Variants in MGAT4C observed in about 807,000 individuals in gnomAD.
The protein encoded by MGAT4C is alpha-1,3-mannosyl-glycoprotein 4-beta-N-acetylglucosaminyltransferase C.
Under a neutral mutation model 40.1 loss-of-function variants are expected in MGAT4C, and 19 were observed. The ratio of observed to expected loss-of-function variants is 0.47; its 90% CI spans 0.33 to 0.70. The LOEUF is 0.70. MGAT4C is among the 30% of genes least tolerant of loss of function. The pLI is 0.02. For synonymous variants in MGAT4C, 181 were observed against 187.1 expected, an observed-to-expected ratio of 0.97 and a Z score of 0.27; for missense variants, 491 against 563.2, an observed-to-expected ratio of 0.87 and a Z score of 1.30.
chr12:86,446,605 T>A (rs546217549), intron 2 of MGAT4C, among the ~76,000 whole-genome samples: 4 of 144,756 alleles, frequency 2.8e-5, no homozygotes, highest in African/African-American at 1.0e-4. Context: ...CATTGTGTAC[T>A]GTTCATATAC....
intron 1 of MGAT4C, among the ~76,000 whole-genome samples, chr12:86,834,233 G>C (rs1411147180): frequency 6.6e-6 from 1 of 151,638 alleles, no homozygotes; most frequent in East Asian, 1.9e-4. Context: ...TCTATAGATA[G>C]GTAGATAGAT....
intron 1 of MGAT4C, among the ~76,000 whole-genome samples, chr12:86,819,931 C>A (rs926010215): frequency 1.3e-5 from 2 of 150,594 alleles, no homozygotes; most frequent in Non-Finnish European, 1.5e-5. Flanking sequence ...AGAAGAAATT[C>A]TTCAAAAAGT....
chr12:86,612,685 AGAG>A (rs1230551434), intron 2 of MGAT4C, among the ~76,000 whole-genome samples: 1 of 146,902 alleles, frequency 6.8e-6, no homozygotes, highest in African/African-American at 2.5e-5. Context: ...GGCTGCAGTG[AGAG>A]GAGATCATGC....
At chr12:86,294,291 T>C (rs1953605282) in intron 4 of MGAT4C, among the ~76,000 whole-genome samples, 1 of 152,114 alleles carries the variant, frequency 6.6e-6, no homozygotes, top group Non-Finnish European at 1.5e-5. Flanking sequence ...AATTCTTTCA[T>C]GTCTTTATCT....
intron 3 of MGAT4C, among the ~76,000 whole-genome samples, chr12:86,351,343 T>C (rs925210576): frequency 6.6e-6 from 1 of 152,044 alleles, no homozygotes; most frequent in Non-Finnish European, 1.5e-5. Flanking sequence ...AGTAGAGATA[T>C]ACATATATTT....
Position 86,152,626 on chromosome 12 carries a change from T to A in MGAT4C, c.-56-102903A>T, listed in dbSNP as rs190933667. On this transcript the variant is annotated intron_variant, in intron 1 of 4. Coordinates refer to ENST00000611864, the MANE Select transcript of MGAT4C (RefSeq NM_001351288.2). ...TGGATTTCTCTTTTCCCATCGTATA[T>A]CACACAGGGCTACTCTATTCATAGA... is the stretch of plus-strand genomic sequence containing the variant. 4.2e-4 allele frequency among the ~76,000 whole-genome samples: 64 copies of A among 152,294 alleles called. 1 individual carries two copies. The East Asian group carries it at 0.011, about 27-fold the overall frequency.
At chr12:86,105,040 A>T (rs1473769983) in intron 1 of MGAT4C, among the ~76,000 whole-genome samples, 2 of 152,180 alleles carry the variant, frequency 1.3e-5, no homozygotes, top group Non-Finnish European at 2.9e-5. Flanking sequence ...ATCTTATTTA[A>T]ATTTACATTC....
At chr12:86,378,023 T>C (rs1481448148) in intron 3 of MGAT4C, among the ~76,000 whole-genome samples, 1 of 152,190 alleles carries the variant, frequency 6.6e-6, no homozygotes, top group East Asian at 1.9e-4. Context: ...AACCATGTGG[T>C]ATTATGTGTC....
chr12:86,258,117 A>T (rs1490997253), upstream of MGAT4C, among the ~76,000 whole-genome samples: 3 of 152,162 alleles, frequency 2.0e-5, no homozygotes, highest in African/African-American at 7.2e-5. Context: ...TGCCCTCAAA[A>T]TAATGATATA....
chr12:86,073,012 G>A (rs568928777), intron 1 of MGAT4C, among the ~76,000 whole-genome samples: 5 of 152,170 alleles, frequency 3.3e-5, no homozygotes, highest in African/African-American at 1.2e-4. Context: ...ATATGCTTTG[G>A]CTGTGCCCTC....
intron 2 of MGAT4C, among the ~76,000 whole-genome samples, chr12:86,038,798 C>T (rs979006662): frequency 6.0e-5 from 9 of 149,578 alleles, no homozygotes; most frequent in African/African-American, 2.4e-5. Flanking sequence ...GTATTTTGCC[C>T]GTTAGTTGAT....
At chr12:86,769,876 G>C (rs750116002) in intron 1 of MGAT4C, among the ~76,000 whole-genome samples, 5 of 152,010 alleles carry the variant, frequency 3.3e-5, no homozygotes, top group Admixed American at 1.3e-4. Context: ...GGTGTGGAGT[G>C]GGGGAGGGAT....
At chr12:86,506,751 TCC>T (rs1958478821) in intron 2 of MGAT4C, among the ~76,000 whole-genome samples, 1 of 152,162 alleles carries the variant, frequency 6.6e-6, no homozygotes, top group South Asian at 2.1e-4. Context: ...ATCATCAAAA[TCC>T]AGAGTCCTTT....
chr12:85,988,405 T>G (rs1331649778), intron 3 of MGAT4C, among the ~76,000 whole-genome samples: 1 of 152,124 alleles, frequency 6.6e-6, no homozygotes, highest in East Asian at 1.9e-4. Context: ...ATAAATAATC[T>G]AAAGCATTTT....
intron 1 of MGAT4C, among the ~76,000 whole-genome samples, chr12:86,804,190 C>T (rs1952295590): frequency 6.7e-6 from 1 of 149,502 alleles, no homozygotes; most frequent in African/African-American, 2.5e-5. Flanking sequence ...ACTGCATATT[C>T]TCACTCATAG....
At chr12:86,464,793 ATAAAT>A (rs1957655870) in intron 2 of MGAT4C, among the ~76,000 whole-genome samples, 1 of 152,166 alleles carries the variant, frequency 6.6e-6, no homozygotes, top group Non-Finnish European at 1.5e-5. Flanking sequence ...ACTATGAAAG[ATAAAT>A]TACATTATGT....
chr12:86,778,795 C>T (rs929542591), intron 1 of MGAT4C, among the ~76,000 whole-genome samples: 2 of 151,992 alleles, frequency 1.3e-5, no homozygotes, highest in African/African-American at 2.4e-5. Flanking sequence ...CTCTAGTTTT[C>T]CTGTCAAGAA....
At chr12:86,685,737 G>T (rs1438483352) in intron 2 of MGAT4C, among the ~76,000 whole-genome samples, 3 of 152,062 alleles carry the variant, frequency 2.0e-5, no homozygotes, top group Non-Finnish European at 2.9e-5. Context: ...TCCTTGAAAA[G>T]GTTCTTCACA....
At chr12:86,770,066 T>G (rs1951602735) in intron 1 of MGAT4C, among the ~76,000 whole-genome samples, 1 of 152,118 alleles carries the variant, frequency 6.6e-6, no homozygotes, top group Non-Finnish European at 1.5e-5. Context: ...TTAAAAATTT[T>G]ATAATCAATA....
Sources: allele counts gnomAD v4.1 joint callset (sites outside exome capture counted in the v4.1 genomes callset), GRCh38; gene constraint gnomAD v4.1.1; transcripts MANE v1.5; gene names NCBI Gene and HGNC (gene_info 2026-07-23, HGNC 2026-07-21).